The following PDE6B variants were observed in gnomAD, a reference collection of about 807,000 sequenced individuals.
PDE6B encodes the protein rod cGMP-specific 3',5'-cyclic phosphodiesterase subunit beta.
A neutral mutation model predicts 109.0 loss-of-function variants in PDE6B; 106 were observed. The observed-to-expected ratio is 0.97, with a 90% confidence interval of 0.83 to 1.14. The LOEUF (loss-of-function observed/expected upper bound fraction) is 1.14. Ranked by LOEUF, PDE6B falls within the 50% of genes most tolerant of loss-of-function variation. The pLI, the probability that PDE6B is intolerant of heterozygous loss-of-function variation, is 0.00. For synonymous variants in PDE6B, 490 were observed against 471.3 expected (o/e 1.04, Z -0.51); for missense variants, 1,193 against 1,155.6 (o/e 1.03, Z -0.47).
At position 665,741 on chromosome 4, in the gene PDE6B, C is replaced by T. The variant is rs1737720885; in HGVS notation, c.2268+412C>T. ...GACAATGCCAGGGTCCTCAGGTCAG[C>T]AGCGGGGTCTGGATACCTCCTGGCA... On this transcript the variant is annotated intron_variant, in intron 19 of 21. Transcript: ENST00000496514. The surrounding 1 kb of genome is among the most constrained non-coding windows in gnomAD (Gnocchi z 4.0). Among the ~76,000 whole-genome samples, 1 of 152,332 alleles carries T rather than the reference C, an allele frequency of 6.6e-6. No individual in the cohort carries two copies. The highest frequency in any genetic ancestry group is 1.5e-5 in the Non-Finnish European group (1 of 68,024).
At chr4:651,195 G>A (rs1056073441) in intron 3 of PDE6B, among the ~76,000 whole-genome samples, 1 of 150,424 alleles carries the variant, frequency 6.6e-6, no homozygotes, top group Non-Finnish European at 1.5e-5. Context: ...GTCACAGGCG[G>A]GGCAGGGGCT....
rs1253306630 is a variant in PDE6B at position 635,972 on chromosome 4, A to G, written c.711+3A>G. On this transcript the variant is annotated splice_donor_region_variant and intron_variant, in intron 3 of 21. Transcript: ENST00000496514. ...ACTGCGAGACGCGCCGCGGCCAGGTACCCACACGCTGAGCACAGCTCTGCC... is the reference window on the plus strand; with the variant it reads ...ACTGCGAGACGCGCCGCGGCCAGGTGCCCACACGCTGAGCACAGCTCTGCC... The G allele has an allele frequency of 1.3e-6, 2 of 1,566,544 alleles. No homozygotes were observed. Among genetic ancestry groups the G allele is most frequent in the African/African-American group, 1.4e-5 (1 of 74,070 alleles).
rs1365261261 is a variant in PDE6B, at chr4:653,952, A to G, written c.812A>G (p.Glu271Gly). ...FYTVRAYLNC[E>G]RYSVGLLDMT... ...ACGGTGCGGGCCTACCTCAACTGCG[A>G]GCGGTACTCCGTGGGCCTCCTGGAC... Residue 271 changes from glutamate (E) to glycine (G), a missense_variant, in exon 4 of 22, where the codon GAG (glutamate) becomes GGG (glycine). Coordinates refer to ENST00000496514, the MANE Select transcript of PDE6B (RefSeq NM_000283.4). 7.4e-6 allele frequency: 12 copies of G among 1,613,722 alleles called. No homozygotes were observed. The highest frequency in any genetic ancestry group is 1.0e-5 in the Non-Finnish European group (12 of 1,180,036).
intron 1 of PDE6B, among the ~76,000 whole-genome samples, chr4:632,523 G>T (rs1052183685): frequency 6.6e-6 from 1 of 150,808 alleles, no homozygotes; most frequent in Non-Finnish European, 1.5e-5. Context: ...ACCATCTCTG[G>T]ATCATGTTGT....
rs1015906266 is a variant in PDE6B, at chr4:629,674, A to G, written c.468+3580A>G. 8.5e-5 allele frequency among the ~76,000 whole-genome samples: 13 copies of G among 152,280 alleles called. No homozygotes were observed. In the East Asian group the frequency reaches 2.5e-3, roughly 29 times the overall value. On this transcript the variant is annotated intron_variant, in intron 1 of 21. Coordinates refer to ENST00000496514, the MANE Select transcript of PDE6B (RefSeq NM_000283.4). ...ACTCAGTCCTATGGTGGTCTCTACA[A>G]GGCTGGACAGAGCAGGGGCGTTGAG... is the stretch of plus-strand genomic sequence containing the variant.
At chr4:643,745 A>G (rs1247032796) in intron 3 of PDE6B, among the ~76,000 whole-genome samples, 7 of 150,034 alleles carry the variant, frequency 4.7e-5, no homozygotes, top group Admixed American at 1.3e-4. Context: ...TGCTTGCTTT[A>G]GGCTTAATTT....
chr4:648,019 G>A lies in PDE6B; in HGVS notation c.712-5833G>A, dbSNP rs1485517775. Among the ~76,000 whole-genome samples the A allele has an allele frequency of 6.6e-6, 1 of 151,840 alleles. No individual in the cohort carries two copies. Among genetic ancestry groups the A allele is most frequent in the Non-Finnish European group, 1.5e-5 (1 of 68,022 alleles). Reference sequence around the variant, plus strand: ...GAACCCGGGAGGCAGAGGTAGCAGTGAGCCAAGATCGCGCCACTGCACTTT... The same window carrying A: ...GAACCCGGGAGGCAGAGGTAGCAGTAAGCCAAGATCGCGCCACTGCACTTT... On this transcript the variant is annotated intron_variant, in intron 3 of 21. Coordinates refer to ENST00000496514, the MANE Select transcript of PDE6B (RefSeq NM_000283.4). This position sits in a 1 kb window ranked among gnomAD's most constrained non-coding sequence, Gnocchi z 4.5.
At chr4:645,290 A>ATTTTTTT (rs530937075) in intron 3 of PDE6B, among the ~76,000 whole-genome samples, 1 of 117,764 alleles carries the variant, frequency 8.5e-6, no homozygotes, top group African/African-American at 3.3e-5. Context: ...GGCTAGTCAC[A>ATTTTTTT]TTTTTTTTTT....
chr4:661,392 G>C (rs904690901), intron 12 of PDE6B: 2 of 152,502 alleles, frequency 1.3e-5, no homozygotes, highest in African/African-American at 2.4e-5. Context: ...CCCCTGGGGA[G>C]GCGGGATGGC....
rs1738416947 is a variant in PDE6B, at chr4:670,700, G to A, written c.*593G>A. 6.4e-6 allele frequency: 1 copy of A among 155,074 alleles called. No individual in the cohort carries two copies. The highest frequency in any genetic ancestry group is 1.4e-5 in the Non-Finnish European group (1 of 69,718). The allele number at this position is 155,074 out of a possible 1,614,324, so 9.6% of individuals were successfully genotyped here. ...ACATGTACATATGTGTACACAGGTAGACAGATGGACACAGGCCGTTTCTCA... is the reference window on the plus strand; with the variant it reads ...ACATGTACATATGTGTACACAGGTAAACAGATGGACACAGGCCGTTTCTCA... On this transcript the variant is annotated 3_prime_UTR_variant, in exon 22 of 22. Coordinates refer to ENST00000496514, the MANE Select transcript of PDE6B (RefSeq NM_000283.4).
At chr4:656,328 T>C in intron 8 of PDE6B, 36 bp downstream of exon 8, 1 of 1,327,640 alleles carries the variant, frequency 7.5e-7, no homozygotes, top group Non-Finnish European at 1.1e-6. Flanking sequence ...TTATACTTAC[T>C]TACAAAAGAG....
chr4:660,531 G>A lies in PDE6B; in HGVS notation c.1532G>A (p.Cys511Tyr). ...GAATTCCACTTCTCTGACCTGGAGT[G>A]CACCGAACTGGACCTGGTCAAATGT... ...IYEFHFSDLE[C>Y]TELDLVKCGI... The change falls in exon 12 of 22, where the codon TGC becomes TAC. Residue 511 changes from cysteine to tyrosine, a missense_variant. Cys to Tyr is a radical substitution (Grantham distance 194). Coordinates refer to ENST00000496514, the MANE Select transcript of PDE6B (RefSeq NM_000283.4). The A allele has an allele frequency of 6.2e-7, 1 of 1,613,472 alleles. No homozygotes were observed. The highest frequency in any genetic ancestry group is 2.2e-5 in the East Asian group (1 of 44,876).
rs1734493050 is a variant in PDE6B at position 633,536 on chromosome 4, G to GAGGAGT, written c.469-1141_469-1140insAGGAGT. Among the ~76,000 whole-genome samples the GAGGAGT allele has an allele frequency of 3.9e-5, 6 of 152,292 alleles. No individual in the cohort carries two copies. In the South Asian group the frequency reaches 1.2e-3, roughly 32 times the overall value. On this transcript the variant is annotated intron_variant, in intron 1 of 21. Coordinates refer to ENST00000496514, the MANE Select transcript of PDE6B (RefSeq NM_000283.4). This position sits in a 1 kb window ranked among gnomAD's most constrained non-coding sequence, Gnocchi z 4.5. Reference sequence around the variant, plus strand: ...GGGAGTTGCGAGGAGTCTGCCCTCTGCTGCTGCAGGGCCACCGTCCCTAGA... The same window carrying GAGGAGT: ...GGGAGTTGCGAGGAGTCTGCCCTCTGAGGAGTCTGCTGCAGGGCCACCGTCCCTAGA...
rs1190475435 is a variant in PDE6B at position 664,160 on chromosome 4, C to T, written c.2068C>T (p.Gln690Ter). The change falls in exon 17 of 22, where the codon CAG becomes TAG. Residue 690 changes from glutamine (Q) to a stop codon, truncating the protein, a stop_gained. Transcript: ENST00000496514. LOFTEE classifies it high-confidence loss of function. ...QKIVDESKNY[Q>*]DKKSWVEYLS... ...GATCGTGGATGAGTCCAAGAACTAC[C>T]AGGACAAGAAGAGCTGGGTGGAGTA... 10 of 1,612,342 alleles carry T rather than the reference C, an allele frequency of 6.2e-6. No homozygotes were observed. Among genetic ancestry groups the T allele is most frequent in the Non-Finnish European group, 7.6e-6 (9 of 1,178,636 alleles).
rs1316645036 is a variant in PDE6B, at chr4:625,583, A to G, written c.-44A>G. 1 of 1,373,896 alleles carries G rather than the reference A, an allele frequency of 7.3e-7. No homozygotes were observed. The highest frequency in any genetic ancestry group is 1.4e-5 in the African/African-American group (1 of 70,212). The allele number at this position is 1,373,896 out of a possible 1,614,324, so 85.1% of individuals were successfully genotyped here. On this transcript the variant is annotated 5_prime_UTR_variant, in exon 1 of 22. The change abolishes an upstream ATG in the 5' untranslated region. Coordinates refer to ENST00000496514, the MANE Select transcript of PDE6B (RefSeq NM_000283.4). This position sits in a 1 kb window ranked among gnomAD's most constrained non-coding sequence, Gnocchi z 5.0. Reference sequence around the variant, plus strand: ...TGATGACAGGGTTTCCTGGGAGTCCATGCGTGCCTGGAGCAGCAGCGTCTC... The same window carrying G: ...TGATGACAGGGTTTCCTGGGAGTCCGTGCGTGCCTGGAGCAGCAGCGTCTC...
In PDE6B at chr4:662,534, C is replaced by G. The variant is rs377243929; in HGVS notation, c.1748C>G (p.Thr583Arg). The G allele has an allele frequency of 1.2e-6, 2 of 1,612,342 alleles. No individual in the cohort carries two copies. The highest frequency in any genetic ancestry group is 1.1e-5 in the South Asian group (1 of 91,064). The change falls in exon 14 of 22, where the codon ACG becomes AGG. Residue 583 changes from threonine (T) to arginine (R), a missense_variant. Coordinates refer to ENST00000496514, the MANE Select transcript of PDE6B (RefSeq NM_000283.4). The surrounding 1 kb of genome is among the most constrained non-coding windows in gnomAD (Gnocchi z 4.3). Reference sequence around the variant, plus strand: ...ACCGGCAAACTGAAGAGCTACTACACGGACCTGGAGGCCTTCGCCATGGTG... The same window carrying G: ...ACCGGCAAACTGAAGAGCTACTACAGGGACCTGGAGGCCTTCGCCATGGTG... ...LMTGKLKSYY[T>R]DLEAFAMVTA...
At chr4:653,014 C>T in intron 3 of PDE6B, 1 of 196,232 alleles carries the variant, frequency 5.1e-6, no homozygotes, top group Non-Finnish European at 9.2e-6. Context: ...AATTATTCAA[C>T]TGAAGATAAA....
intron 1 of PDE6B, among the ~76,000 whole-genome samples, chr4:628,190 G>A (rs1734211007): frequency 6.6e-6 from 1 of 152,048 alleles, no homozygotes; most frequent in Admixed American, 6.5e-5. Flanking sequence ...TCCTCATGAA[G>A]TGCAAAGCCT....
At chr4:650,132 G>A (rs531794808) in intron 3 of PDE6B, among the ~76,000 whole-genome samples, 55 of 152,284 alleles carry the variant, frequency 3.6e-4, no homozygotes, top group Admixed American at 1.0e-3. Context: ...CGCTGGGCAC[G>A]GGCTTGGGGC....
Sources: allele counts gnomAD v4.1 joint callset (sites outside exome capture counted in the v4.1 genomes callset), GRCh38; gene constraint gnomAD v4.1.1; non-coding constraint Gnocchi (gnomAD v3.1); transcripts MANE v1.5; gene names NCBI Gene and HGNC (gene_info 2026-07-23, HGNC 2026-07-21).